MYH7B: variants seen among roughly 807,000 people sequenced by gnomAD.
MYH7B encodes the protein myosin heavy chain 7B, also known as myosin-7B.
Under a neutral mutation model 234.5 loss-of-function variants are expected in MYH7B, and 205 were observed. That is an observed-to-expected ratio of 0.87 (90% CI 0.78 to 0.98). MYH7B has a LOEUF of 0.98. Ranked by LOEUF, MYH7B falls within the 50% of genes least tolerant of loss-of-function variation. The probability of loss-of-function intolerance (pLI) is 0.00; values close to 1 mark genes in which losing one functional copy is unlikely to be tolerated. For missense variants in MYH7B, 2,652 were observed against 2,633.4 expected, an observed-to-expected ratio of 1.01 and a Z score of -0.15; for synonymous variants, 1,193 against 1,105.0, an observed-to-expected ratio of 1.08 and a Z score of -1.58.
At chr20:34,985,244 A>C (rs989364064) in intron 13 of MYH7B, 115 bp downstream of exon 13, 1 of 963,842 alleles carries the variant, frequency 1.0e-6, no homozygotes. Context: ...ACTTCTCTCT[A>C]CCCCCTGGCT....
intron 43 of MYH7B, 75 bp downstream of exon 43, chr20:35,001,601 T>G (rs878938488): frequency 1.8e-5 from 24 of 1,311,494 alleles, no homozygotes; most frequent in Non-Finnish European, 2.6e-5. Context: ...AGGTGAGGCA[T>G]CAGCAGCAGC....
At position 34,999,565 on chromosome 20, in the gene MYH7B, C is replaced by A. The variant is rs1276906951; in HGVS notation, c.4541-6C>A. On this transcript the variant is annotated splice_polypyrimidine_tract_variant and splice_region_variant and intron_variant, in intron 36 of 44. Transcript: ENST00000262873. ...GGGTGGCCTCTCAGCACCCTGTCCA[C>A]TGCAGAGGAGATCAGCGACCTCACA... The A allele has an allele frequency of 6.2e-7, 1 of 1,600,356 alleles. No individual in the cohort carries two copies. Among genetic ancestry groups the A allele is most frequent in the Admixed American group, 1.7e-5 (1 of 59,158 alleles).
At chr20:34,957,369 C>T (rs1454462274) in intron 1 of MYH7B, among the ~76,000 whole-genome samples, 2 of 151,804 alleles carry the variant, frequency 1.3e-5, no homozygotes, top group African/African-American at 4.8e-5. Flanking sequence ...AGGCTGTAGC[C>T]AGTGCAGCAG....
intron 2 of MYH7B, among the ~76,000 whole-genome samples, chr20:34,958,706 C>T (rs1340313467): frequency 6.6e-6 from 1 of 152,176 alleles, no homozygotes; most frequent in Non-Finnish European, 1.5e-5. Flanking sequence ...CCTTGTGATC[C>T]GTCCGCCTCT....
exon 35 of MYH7B, chr20:34,998,764 T>G: frequency 1.2e-6 from 2 of 1,612,912 alleles, no homozygotes; most frequent in African/African-American, 1.3e-5. Flanking sequence ...GCGGCACGAC[T>G]GTGACCTCCT....
At chr20:34,999,338 G>A in exon 36 of MYH7B, 1 of 1,562,038 alleles carries the variant, frequency 6.4e-7, no homozygotes, top group Non-Finnish European at 8.7e-7. Flanking sequence ...TCTTCCGGCT[G>A]CGGCACGGCC....
chr20:34,975,474 C>T lies in MYH7B; in HGVS notation c.-147C>T, dbSNP rs968627792. On this transcript the variant is annotated 5_prime_UTR_variant, in exon 3 of 45. Coordinates refer to ENST00000262873, the Ensembl canonical transcript of MYH7B. ...AAGTGATGTGTCCGCCTGGGCCTCC[C>T]AAAGTGCTGGAATTACAGACATGAG... 3 of 711,712 alleles carry T rather than the reference C, an allele frequency of 4.2e-6. No homozygotes were observed. The African/African-American group carries it at 5.3e-5, about 12-fold the overall frequency. The allele number at this position is 711,712 out of a possible 1,614,324, so 44.1% of individuals were successfully genotyped here.
At chr20:34,965,386 C>G (rs1483316977) in intron 2 of MYH7B, among the ~76,000 whole-genome samples, 1 of 152,246 alleles carries the variant, frequency 6.6e-6, no homozygotes, top group Non-Finnish European at 1.5e-5. Context: ...AGAATATTCA[C>G]TGGGCCTGGC....
At chr20:34,994,281 G>A (rs2082210575) in exon 27 of MYH7B, 2 of 1,612,550 alleles carry the variant, frequency 1.2e-6, no homozygotes, top group South Asian at 1.1e-5. Context: ...CGGCCCTGCG[G>A]GCAGAGCTGC....
At chr20:34,987,592 A>T in exon 17 of MYH7B, 1 of 1,614,000 alleles carries the variant, frequency 6.2e-7, no homozygotes, top group Non-Finnish European at 8.5e-7. Flanking sequence ...GGGGGTCAGC[A>T]GTGGGGACCT....
chr20:35,001,963 ACCAACCTGG>A, exon 44 of MYH7B: 1 of 1,613,494 alleles, frequency 6.2e-7, no homozygotes, highest in Non-Finnish European at 8.5e-7. Flanking sequence ...GCAGGCCAAC[ACCAACCTGG>A]CCAAGTATCG....
At chr20:34,960,393 GC>G (rs1407496268) in intron 2 of MYH7B, among the ~76,000 whole-genome samples, 1 of 152,034 alleles carries the variant, frequency 6.6e-6, no homozygotes, top group East Asian at 1.9e-4. Context: ...CTGCCACCAC[GC>G]CCGCCTAATT....
exon 35 of MYH7B, chr20:34,998,745 G>A (rs747407098): frequency 6.2e-7 from 1 of 1,612,306 alleles, no homozygotes; most frequent in Admixed American, 1.7e-5. Context: ...CCCACGCCGT[G>A]CAGGCTCTGC....
rs1012530643 is a variant in MYH7B at position 34,975,414 on chromosome 20, T to C, written c.-207T>C. 4 of 637,046 alleles carry C rather than the reference T, an allele frequency of 6.3e-6. No individual in the cohort carries two copies. Among genetic ancestry groups the C allele is most frequent in the Non-Finnish European group, 1.2e-5 (4 of 346,442 alleles). The allele number at this position is 637,046 out of a possible 1,614,324, so 39.5% of individuals were successfully genotyped here. A position where few individuals can be genotyped will look rare whatever the true frequency, so the allele number is the denominator to read the frequency against. ...GTTTGTTGTAGAGATGGGGTTTTGA[T>C]GTGTTGCCCAGGCTGGTCTTGAACT... On this transcript the variant is annotated 5_prime_UTR_variant, in exon 3 of 45. The change abolishes an upstream ATG in the 5' untranslated region. Coordinates refer to ENST00000262873, the Ensembl canonical transcript of MYH7B.
At chr20:34,990,248 T>G (rs764966681) in exon 22 of MYH7B, 1 of 1,613,970 alleles carries the variant, frequency 6.2e-7, no homozygotes, top group Non-Finnish European at 8.5e-7. Context: ...GCCCCCCAAG[T>G]CTGGGGTGAA....
intron 3 of MYH7B, among the ~76,000 whole-genome samples, chr20:34,975,910 G>T (rs1291658347): frequency 6.6e-6 from 1 of 151,974 alleles, no homozygotes; most frequent in Non-Finnish European, 1.5e-5. Context: ...TAGAGACGGG[G>T]TTTCACTGTG....
At chr20:34,975,537 A>C in intron 3 of MYH7B, 38 bp downstream of exon 3, 1 of 711,848 alleles carries the variant, frequency 1.4e-6, no homozygotes, top group East Asian at 2.7e-5. Context: ...ACTTTGAGAA[A>C]ATTCATCAAA....
At chr20:34,984,874 C>G (rs369016025) in exon 12 of MYH7B, 1 of 1,613,920 alleles carries the variant, frequency 6.2e-7, no homozygotes, top group Non-Finnish European at 8.5e-7. Context: ...AGGATCAAAT[C>G]ATCGAGGCCA....
At chr20:34,996,953 A>G in intron 30 of MYH7B, 130 bp from the exon 31 acceptor site, 1 of 1,215,448 alleles carries the variant, frequency 8.2e-7, no homozygotes, top group Non-Finnish European at 1.1e-6. Context: ...CTGAGGCCTC[A>G]GGGCCCAGTG....
Sources: allele counts gnomAD v4.1 joint callset (sites outside exome capture counted in the v4.1 genomes callset), GRCh38; gene constraint gnomAD v4.1.1; transcripts MANE v1.5; gene names NCBI Gene and HGNC (gene_info 2026-07-23, HGNC 2026-07-21).